The following CLCN6 variants were observed in gnomAD, a reference collection of about 807,000 sequenced individuals.
The protein encoded by CLCN6 is Cl-/H+ antiporter 6.
A neutral mutation model predicts 109.8 loss-of-function variants in CLCN6; 70 were observed. That is an observed-to-expected ratio of 0.64 (90% CI 0.53 to 0.78). CLCN6 has a LOEUF of 0.78. Among genes scored for constraint, CLCN6 ranks in the 30% least tolerant of loss-of-function variants. The pLI is 0.00. For missense variants in CLCN6, 984 were observed against 1,142.3 expected (o/e 0.86, Z 2.00); for synonymous variants, 444 against 447.8 (o/e 0.99, Z 0.11).
At chr1:11,809,623 A>G (rs1044391570) in intron 2 of CLCN6, among the ~76,000 whole-genome samples, 6 of 151,920 alleles carry the variant, frequency 3.9e-5, no homozygotes, top group African/African-American at 1.5e-4. Context: ...ATGCCTGGCT[A>G]AGTTTTGTAT....
In CLCN6 at chr1:11,841,405, G is replaced by A. The variant is rs1366144213; in HGVS notation, c.*1182G>A. ...GCCTGAAGGTTTCACATGAAGCATG[G>A]GAAGCGCACCCTGTCGTTCAGTGAC... On this transcript the variant is annotated 3_prime_UTR_variant, in exon 23 of 23. Transcript: ENST00000346436. 1.3e-5 allele frequency: 2 copies of A among 152,386 alleles called. No homozygotes were observed. The highest frequency in any genetic ancestry group is 4.8e-5 in the African/African-American group (2 of 41,444). 9.4% of individuals were successfully genotyped at this position (152,386 alleles called of 1,614,324 possible). A position where few individuals can be genotyped will look rare whatever the true frequency, so the allele number is the denominator to read the frequency against.
intron 2 of CLCN6, among the ~76,000 whole-genome samples, chr1:11,807,541 A>G (rs1268466874): frequency 1.3e-5 from 2 of 152,224 alleles, no homozygotes; most frequent in South Asian, 2.1e-4. Context: ...ATAAACTGTT[A>G]AGGAGGCCTT....
In CLCN6 at chr1:11,840,145, C is replaced by T. The variant is rs575303344; in HGVS notation, c.2532C>T (p.Ile844=). ...CTCAGGCCTTCTCTTTGCCCTAGAT[C>T]GTGGGGATCATCACACGGCACAACC... ...HLPVVNAVGE[I]VGIITRHNLT... Residue 844 remains isoleucine (I), a splice_region_variant and synonymous_variant, in exon 23 of 23, where the codon ATC becomes ATT. Transcript: ENST00000346436. The T allele has an allele frequency of 1.9e-5, 30 of 1,613,732 alleles. No individual in the cohort carries two copies. Among genetic ancestry groups the T allele is most frequent in the Middle Eastern group, 1.7e-4 (1 of 6,058 alleles).
At chr1:11,826,265 C>T (rs768239769) in intron 9 of CLCN6, 51 bp downstream of exon 9, 19 of 1,430,164 alleles carry the variant, frequency 1.3e-5, no homozygotes, top group Middle Eastern at 1.8e-4. Context: ...CATGTTCATG[C>T]GCTGCGGGTC....
Position 11,826,200 on chromosome 1 carries a change from T to C in CLCN6, c.693T>C (p.Tyr231=). Residue 231 remains tyrosine, a synonymous_variant, in exon 9 of 23, where the codon TAT becomes TAC. Transcript: ENST00000346436. Reference sequence around the variant, plus strand: ...GGAAGATCCAGTTTAACTTCCCCTATTTCCGAAGCGACAGGTATGGAAAGG... The same window carrying C: ...GGAAGATCCAGTTTAACTTCCCCTACTTCCGAAGCGACAGGTATGGAAAGG... The part of the protein sequence containing the change: ...SLRKIQFNFP[Y]FRSDRDKRDF... The C allele has an allele frequency of 6.2e-7, 1 of 1,613,932 alleles. No individual in the cohort carries two copies. The highest frequency in any genetic ancestry group is 1.6e-4 in the Middle Eastern group (1 of 6,062).
At chr1:11,814,949 T>C (rs985248996) in intron 2 of CLCN6, among the ~76,000 whole-genome samples, 1 of 149,928 alleles carries the variant, frequency 6.7e-6, no homozygotes, top group South Asian at 2.1e-4. Context: ...AGGAGAATGG[T>C]GTGAACCCGG....
chr1:11,840,460 T>A lies in CLCN6; in HGVS notation c.*237T>A. On this transcript the variant is annotated 3_prime_UTR_variant, in exon 23 of 23. Coordinates refer to ENST00000346436, the MANE Select transcript of CLCN6 (RefSeq NM_001286.5). ...GGATCTTCCCACTTCCTGCTCCCTG[T>A]GTTCCCACCCTCCAGTGTTGGCACA... is the stretch of plus-strand genomic sequence containing the variant. The A allele has an allele frequency of 1.7e-6, 1 of 581,294 alleles. No homozygotes were observed. Among genetic ancestry groups the A allele is most frequent in the Non-Finnish European group, 3.1e-6 (1 of 322,800 alleles). 36.0% of individuals were successfully genotyped at this position (581,294 alleles called of 1,614,324 possible). A position where few individuals can be genotyped will look rare whatever the true frequency, so the allele number is the denominator to read the frequency against.
chr1:11,809,531 C>T (rs1046229413), intron 2 of CLCN6, among the ~76,000 whole-genome samples: 3 of 152,174 alleles, frequency 2.0e-5, no homozygotes, highest in African/African-American at 4.8e-5. Context: ...TGGATCACTG[C>T]GACCTCCACC....
intron 10 of CLCN6, among the ~76,000 whole-genome samples, chr1:11,827,624 T>C (rs1281738083): frequency 6.6e-6 from 1 of 151,614 alleles, no homozygotes; most frequent in African/African-American, 2.4e-5. Context: ...TTAGTAGAGA[T>C]GGGGCTTCTG....
chr1:11,816,433 C>T (rs1324875159), intron 3 of CLCN6, among the ~76,000 whole-genome samples, 182 bp from the exon 4 acceptor site: 4 of 152,212 alleles, frequency 2.6e-5, no homozygotes, highest in African/African-American at 9.7e-5. Flanking sequence ...GTCAGTGCAC[C>T]TTGCCCAGCC....
chr1:11,836,879 A>G (rs1057144766), intron 18 of CLCN6, 120 bp from the exon 19 acceptor site: 4 of 1,166,136 alleles, frequency 3.4e-6, no homozygotes, highest in South Asian at 3.0e-5. Flanking sequence ...CCTCAGCCCC[A>G]TTAAGTTCCT....
chr1:11,811,661 C>T (rs544917514), intron 2 of CLCN6, among the ~76,000 whole-genome samples: 85 of 152,226 alleles, frequency 5.6e-4, no homozygotes, highest in African/African-American at 1.7e-3. Context: ...GGATTACAGA[C>T]GTGAGCCACT....
Position 11,837,160 on chromosome 1 carries a change from A to G in CLCN6, c.2138+4A>G, listed in dbSNP as rs1644960738. ...TGCAGCAGATGCTGGAAAGGAGGTGAGAGCCTGGCGGGGCCCCCACTGCCC... is the reference window on the plus strand; with the variant it reads ...TGCAGCAGATGCTGGAAAGGAGGTGGGAGCCTGGCGGGGCCCCCACTGCCC... On this transcript the variant is annotated splice_donor_region_variant and intron_variant, in intron 19 of 22. Coordinates refer to ENST00000346436, the MANE Select transcript of CLCN6 (RefSeq NM_001286.5). 1 of 1,611,772 alleles carries G rather than the reference A, an allele frequency of 6.2e-7. No homozygotes were observed. Among genetic ancestry groups the G allele is most frequent in the African/African-American group, 1.3e-5 (1 of 74,918 alleles).
At position 11,821,073 on chromosome 1, in the gene CLCN6, T is replaced by TAAAAAA. The variant is rs1216520509; in HGVS notation, c.346+1519_346+1520insAAAAAA. On this transcript the variant is annotated intron_variant, in intron 5 of 22. Coordinates refer to ENST00000346436, the MANE Select transcript of CLCN6 (RefSeq NM_001286.5). ...CCTGGGCAATGAGAGCAAAACTGTC[T>TAAAAAA]CAAAAAACAACAACAAAAAAAAAAA... Among the ~76,000 whole-genome samples the TAAAAAA allele has an allele frequency of 4.9e-5, 6 of 123,122 alleles. 1 individual carries two copies. Among genetic ancestry groups the TAAAAAA allele is most frequent in the Non-Finnish European group, 1.0e-4 (6 of 58,298 alleles). 80.8% of individuals were successfully genotyped at this position (123,122 alleles called of 152,430 possible). A position where few individuals can be genotyped will look rare whatever the true frequency, so the allele number is the denominator to read the frequency against.
At position 11,819,520 on chromosome 1, in the gene CLCN6, C is replaced by G; in HGVS notation, c.312C>G (p.Leu104=). 1.2e-6 allele frequency: 2 copies of G among 1,614,200 alleles called. No individual in the cohort carries two copies. Among genetic ancestry groups the G allele is most frequent in the African/African-American group, 1.3e-5 (1 of 75,042 alleles). Reference sequence around the variant, plus strand: ...TCTTTGTGGACTTTTTTGTGCGACTCTTCACCCAACTCAAGTTCGGAGTGG... The same window carrying G: ...TCTTTGTGGACTTTTTTGTGCGACTGTTCACCCAACTCAAGTTCGGAGTGG... The part of the protein sequence containing the change: ...VGLFVDFFVR[L]FTQLKFGVVQ... Residue 104 remains leucine, a synonymous_variant, in exon 5 of 23, where the codon CTC becomes CTG. Coordinates refer to ENST00000346436, the MANE Select transcript of CLCN6 (RefSeq NM_001286.5).
At chr1:11,810,645 GC>G (rs1214823558) in intron 2 of CLCN6, among the ~76,000 whole-genome samples, 1 of 152,042 alleles carries the variant, frequency 6.6e-6, no homozygotes, top group Non-Finnish European at 1.5e-5. Context: ...AAACCAAAGA[GC>G]AACATATACT....
intron 18 of CLCN6, among the ~76,000 whole-genome samples, chr1:11,836,474 C>T (rs1290479664): frequency 6.6e-6 from 1 of 152,158 alleles, no homozygotes; most frequent in Non-Finnish European, 1.5e-5. Flanking sequence ...TGGACTTCGA[C>T]CTCCTTAAGA....
intron 1 of CLCN6, 167 bp from the exon 2 acceptor site, chr1:11,806,964 T>C (rs1644522361): frequency 1.6e-6 from 1 of 622,278 alleles, no homozygotes; most frequent in East Asian, 2.7e-5. Flanking sequence ...CTGTAGATCC[T>C]CACCCACATG....
At chr1:11,835,905 G>C in intron 17 of CLCN6, 62 bp from the exon 18 acceptor site, 1 of 1,512,870 alleles carries the variant, frequency 6.6e-7, no homozygotes, top group Non-Finnish European at 9.0e-7. Flanking sequence ...AGCCAGCACA[G>C]CTTGCTCCCA....
Sources: gnomAD v4.1 joint callset for allele counts (sites outside exome capture counted in the v4.1 genomes callset) on GRCh38, gnomAD v4.1.1 for gene constraint, MANE v1.5 for transcripts, NCBI Gene and HGNC (gene_info 2026-07-23, HGNC 2026-07-21) for gene names.